PABPC4L: variants seen among roughly 807,000 people sequenced by gnomAD.
The protein encoded by PABPC4L is poly(A) binding protein cytoplasmic 4 like.
For missense variants in PABPC4L, 452 were observed against 451.4 expected, an observed-to-expected ratio of 1.00 and a Z score of -0.01; for synonymous variants, 169 against 164.1, an observed-to-expected ratio of 1.03 and a Z score of -0.23.
the PABPC4L span, among the ~76,000 whole-genome samples, chr4:134,062,833 T>C: frequency 6.6e-6 from 1 of 151,994 alleles, no homozygotes; most frequent in Non-Finnish European, 1.5e-5. Context: ...GGAATAAAAA[T>C]TCATGGAAAA....
chr4:134,146,424 T>G, the PABPC4L span, among the ~76,000 whole-genome samples: 3 of 152,002 alleles, frequency 2.0e-5, no homozygotes, highest in Admixed American at 6.6e-5. Flanking sequence ...TTTCACTCCC[T>G]TAGTTTGGAG....
chr4:134,012,924 T>C, the PABPC4L span, among the ~76,000 whole-genome samples: 1 of 152,266 alleles, frequency 6.6e-6, no homozygotes, highest in African/African-American at 2.4e-5. Flanking sequence ...GTTTTACCCG[T>C]GGACCCAAAA....
chr4:133,957,726 G>A, the PABPC4L span, among the ~76,000 whole-genome samples: 2 of 152,188 alleles, frequency 1.3e-5, no homozygotes, highest in South Asian at 2.1e-4. Flanking sequence ...AAGTATAGGT[G>A]GAGGTTCCCA....
At chr4:134,147,145 A>G in the PABPC4L span, among the ~76,000 whole-genome samples, 6 of 152,264 alleles carry the variant, frequency 3.9e-5, no homozygotes, top group East Asian at 9.6e-4. Context: ...TGGGCTGTTT[A>G]TTTCATTCAT....
At chr4:134,163,580 A>G in the PABPC4L span, among the ~76,000 whole-genome samples, 1 of 152,286 alleles carries the variant, frequency 6.6e-6, no homozygotes, top group Non-Finnish European at 1.5e-5. Flanking sequence ...TCCCTGATGA[A>G]CATAGATGCA....
At chr4:134,079,310 G>T in the PABPC4L span, among the ~76,000 whole-genome samples, 1 of 151,172 alleles carries the variant, frequency 6.6e-6, no homozygotes, top group Non-Finnish European at 1.5e-5. Flanking sequence ...AGCCGGGTGC[G>T]GTGGCTCACG....
At chr4:134,076,568 T>C in the PABPC4L span, among the ~76,000 whole-genome samples, 75,944 of 151,940 alleles carry the variant, frequency 0.5, 20,117 homozygotes, top group East Asian at 0.93. Flanking sequence ...GGTTTTGATA[T>C]AAGCAAATGA....
the PABPC4L span, among the ~76,000 whole-genome samples, chr4:133,958,287 C>T: frequency 2.0e-5 from 3 of 152,168 alleles, no homozygotes; most frequent in Admixed American, 2.0e-4. Flanking sequence ...ACCTTTGCTC[C>T]AGTTTCCAAG....
At chr4:134,041,625 G>C in the PABPC4L span, among the ~76,000 whole-genome samples, 7 of 151,832 alleles carry the variant, frequency 4.6e-5, no homozygotes, top group South Asian at 4.2e-4. Flanking sequence ...ATACCCAGGT[G>C]ATGAGTGTAG....
the PABPC4L span, among the ~76,000 whole-genome samples, chr4:134,099,817 AAG>A: frequency 1.3e-5 from 2 of 151,714 alleles, no homozygotes; most frequent in African/African-American, 2.4e-5. Flanking sequence ...GAAACCGTAA[AAG>A]AGTGTTCTGG....
At chr4:134,044,697 G>A in the PABPC4L span, among the ~76,000 whole-genome samples, 1 of 152,194 alleles carries the variant, frequency 6.6e-6, no homozygotes, top group East Asian at 1.9e-4. Flanking sequence ...CCTGAACATG[G>A]AAATGTCTAA....
chr4:134,159,587 C>T, the PABPC4L span, among the ~76,000 whole-genome samples: 1 of 152,216 alleles, frequency 6.6e-6, no homozygotes, highest in East Asian at 1.9e-4. Context: ...GCATTTAGAC[C>T]AACACTGGGC....
the PABPC4L span, among the ~76,000 whole-genome samples, chr4:134,064,815 T>C: frequency 6.6e-6 from 1 of 152,074 alleles, no homozygotes; most frequent in Admixed American, 6.6e-5. Context: ...ATGTACTCAA[T>C]GTTTAGCTCC....
chr4:134,093,001 T>G, the PABPC4L span, among the ~76,000 whole-genome samples: 1 of 152,050 alleles, frequency 6.6e-6, no homozygotes, highest in Non-Finnish European at 1.5e-5. Context: ...TTTTTATAGG[T>G]TTTTGAATCT....
At chr4:134,090,676 T>G in the PABPC4L span, among the ~76,000 whole-genome samples, 1 of 151,866 alleles carries the variant, frequency 6.6e-6, no homozygotes. Flanking sequence ...GACAAAAGGA[T>G]TGCCTGAGCC....
the PABPC4L span, among the ~76,000 whole-genome samples, chr4:134,007,910 C>G: frequency 1.3e-5 from 2 of 151,376 alleles, no homozygotes; most frequent in Non-Finnish European, 3.0e-5. Context: ...GAAACTTTTA[C>G]TATGTCATAT....
At chr4:134,120,052 T>C in the PABPC4L span, among the ~76,000 whole-genome samples, 3 of 151,646 alleles carry the variant, frequency 2.0e-5, no homozygotes, top group African/African-American at 7.2e-5. Context: ...TTCTTTCACA[T>C]ATTTTCTGGT....
the PABPC4L span, among the ~76,000 whole-genome samples, chr4:134,063,047 T>A: frequency 6.6e-6 from 1 of 152,176 alleles, no homozygotes; most frequent in African/African-American, 2.4e-5. Context: ...CCAGACAAAA[T>A]ATTTTAATGT....
the PABPC4L span, among the ~76,000 whole-genome samples, chr4:133,983,161 T>A: frequency 6.6e-6 from 1 of 151,932 alleles, no homozygotes. Flanking sequence ...AATGAGGAGG[T>A]TTAGTTCTTA....
Sources: gnomAD v4.1 joint callset for allele counts (sites outside exome capture counted in the v4.1 genomes callset) on GRCh38, gnomAD v4.1.1 for gene constraint, MANE v1.5 for transcripts, NCBI Gene and HGNC (gene_info 2026-07-23, HGNC 2026-07-21) for gene names.